Variants in DRD2 observed in about 807,000 individuals in gnomAD.
DRD2 encodes D(2) dopamine receptor.
Under a neutral mutation model 38.0 loss-of-function variants are expected in DRD2, and 8 were observed. The observed-to-expected ratio is 0.21, with a 90% CI of 0.12 to 0.38. The LOEUF is 0.38. Ranked by LOEUF, DRD2 falls within the 10% of genes least tolerant of loss-of-function variation. The pLI is 1.00. For missense variants in DRD2, 403 were observed against 607.7 expected, an observed-to-expected ratio of 0.66 and a Z score of 3.54; for synonymous variants, 230 against 238.6, an observed-to-expected ratio of 0.96 and a Z score of 0.33.
intron 1 of DRD2, 106 bp from the exon 2 acceptor site, chr11:113,424,788 G>C (rs576011414): frequency 8.8e-7 from 1 of 1,136,042 alleles, no homozygotes; most frequent in Non-Finnish European, 1.2e-6. Flanking sequence ...TTTCCAACTC[G>C]GGATTTTAAG....
intron 4 of DRD2, among the ~76,000 whole-genome samples, chr11:113,415,835 T>C (rs1950820596): frequency 6.6e-6 from 1 of 152,252 alleles, no homozygotes; most frequent in African/African-American, 2.4e-5. Flanking sequence ...GCTGTGATGA[T>C]GGACTGCTCC....
At chr11:113,459,011 C>A (rs182966234) in intron 1 of DRD2, among the ~76,000 whole-genome samples, 86 of 152,266 alleles carry the variant, frequency 5.6e-4, no homozygotes, top group Non-Finnish European at 9.3e-4. Context: ...TGATCTGGGG[C>A]AGCATGGAAA....
chr11:113,431,286 C>G (rs1231390824), intron 1 of DRD2, among the ~76,000 whole-genome samples: 1 of 152,204 alleles, frequency 6.6e-6, no homozygotes, highest in Admixed American at 6.5e-5. Flanking sequence ...GGCTGCCTCT[C>G]CCCTAAGGCA....
At chr11:113,472,308 C>T (rs1951436384) in intron 1 of DRD2, among the ~76,000 whole-genome samples, 1 of 152,192 alleles carries the variant, frequency 6.6e-6, no homozygotes, top group African/African-American at 2.4e-5. Context: ...CCACGTCTTT[C>T]CCCTTATACT....
chr11:113,456,222 T>C (rs1301226763), intron 1 of DRD2, among the ~76,000 whole-genome samples: 2 of 152,210 alleles, frequency 1.3e-5, no homozygotes, highest in African/African-American at 4.8e-5. Flanking sequence ...TGCTTATATG[T>C]GGAATCTACG....
chr11:113,414,337 G>C (rs1309198824), intron 6 of DRD2, 38 bp downstream of exon 6: 1 of 1,598,800 alleles, frequency 6.3e-7, no homozygotes, highest in East Asian at 2.2e-5. Context: ...CCTAGGGGCA[G>C]AAAGACCTGG....
In DRD2 at chr11:113,418,274, T is replaced by A. The variant is rs1320579615; in HGVS notation, c.286-138A>T. On this transcript the variant is annotated intron_variant, in intron 2 of 7. Transcript: ENST00000362072. The stretch of plus-strand genomic sequence containing the variant: ...GTCTTGTGGGCATCCAGCTGGGGTG[T>A]GGGGAGTGATGCCCATGGGTGTCTG... 1.4e-5 allele frequency: 10 copies of A among 723,102 alleles called. No homozygotes were observed. In the Admixed American group the frequency reaches 1.6e-4, roughly 12 times the overall value. The allele number at this position is 723,102 out of a possible 1,614,324, so 44.8% of individuals were successfully genotyped here.
chr11:113,455,118 G>T (rs1271279667), intron 1 of DRD2, among the ~76,000 whole-genome samples: 2 of 152,228 alleles, frequency 1.3e-5, no homozygotes, highest in Non-Finnish European at 2.9e-5. Context: ...GGAGGCCGAA[G>T]TGGATGGATC....
chr11:113,417,904 C>T, intron 3 of DRD2, 123 bp downstream of exon 3: 1 of 768,622 alleles, frequency 1.3e-6, no homozygotes, highest in South Asian at 1.5e-5. Flanking sequence ...ACACATGGAC[C>T]CCCATGCACA....
At chr11:113,443,074 G>A (rs1006838986) in intron 1 of DRD2, among the ~76,000 whole-genome samples, 1 of 152,082 alleles carries the variant, frequency 6.6e-6, no homozygotes, top group Non-Finnish European at 1.5e-5. Flanking sequence ...GCTGCTACTG[G>A]TCCTTTCAAC....
chr11:113,427,521 C>T (rs1032960908), intron 1 of DRD2, among the ~76,000 whole-genome samples: 45 of 152,110 alleles, frequency 3.0e-4, no homozygotes, highest in Admixed American at 2.6e-4. Flanking sequence ...TTGGAATGAA[C>T]AAATAAAAAC....
intron 2 of DRD2, among the ~76,000 whole-genome samples, chr11:113,421,796 C>T (rs761871552): frequency 1.8e-4 from 27 of 152,114 alleles, no homozygotes; most frequent in Admixed American, 2.6e-4. Context: ...TCACCTGGGA[C>T]GTTCTCTAGG....
intron 1 of DRD2, among the ~76,000 whole-genome samples, chr11:113,472,236 A>G (rs1951435403): frequency 6.6e-6 from 1 of 152,336 alleles, no homozygotes; most frequent in Non-Finnish European, 1.5e-5. Context: ...CTTTTTTGTT[A>G]ACACTAAAAT....
chr11:113,425,433 C>A (rs906448295), intron 1 of DRD2, among the ~76,000 whole-genome samples: 1 of 152,154 alleles, frequency 6.6e-6, no homozygotes, highest in Non-Finnish European at 1.5e-5. Flanking sequence ...ATAGCTGATG[C>A]AGAGGGACCT....
At chr11:113,424,845 T>C in intron 1 of DRD2, 163 bp from the exon 2 acceptor site, 4 of 690,954 alleles carry the variant, frequency 5.8e-6, no homozygotes, top group Non-Finnish European at 2.4e-6. Flanking sequence ...TCTGCCACTC[T>C]TTTGCTAGCA....
chr11:113,466,047 A>T (rs981895248), intron 1 of DRD2, among the ~76,000 whole-genome samples: 2 of 152,222 alleles, frequency 1.3e-5, no homozygotes, highest in Non-Finnish European at 2.9e-5. Context: ...AAAGAACTGC[A>T]TCTCAAAGGG....
intron 1 of DRD2, among the ~76,000 whole-genome samples, chr11:113,465,411 G>GTTGT (rs6144513): frequency 0.12 from 18,373 of 150,504 alleles, 1,338 homozygotes; most frequent in African/African-American, 0.2. Context: ...TGTTGTTGTT[G>GTTGT]TTGTTTGTTT....
chr11:113,427,504 C>A (rs978753339), intron 1 of DRD2, among the ~76,000 whole-genome samples: 3 of 152,178 alleles, frequency 2.0e-5, no homozygotes, highest in Non-Finnish European at 2.9e-5. Flanking sequence ...CATTCCTCCT[C>A]TTGTTCTTGG....
At chr11:113,416,795 TCA>T in intron 4 of DRD2, 66 bp downstream of exon 4, 1 of 1,586,124 alleles carries the variant, frequency 6.3e-7, no homozygotes, top group Non-Finnish European at 8.6e-7. Flanking sequence ...CTCTGCTCCC[TCA>T]GGGCCCTTCG....
Sources: gnomAD v4.1 joint callset for allele counts (sites outside exome capture counted in the v4.1 genomes callset) on GRCh38, gnomAD v4.1.1 for gene constraint, MANE v1.5 for transcripts, NCBI Gene and HGNC (gene_info 2026-07-23, HGNC 2026-07-21) for gene names.